MAP3K3: variants seen among roughly 807,000 people sequenced by gnomAD.
The protein encoded by MAP3K3 is MAP/ERK kinase kinase 3.
In MAP3K3, 12 loss-of-function variants were observed where a neutral mutation model predicts 80.9. The ratio of observed to expected loss-of-function variants is 0.15; its 90% confidence interval spans 0.10 to 0.24. MAP3K3 has a LOEUF of 0.24. Ranked by LOEUF, MAP3K3 falls within the 10% of genes least tolerant of loss-of-function variation. MAP3K3 has a pLI of 1.00. For missense variants in MAP3K3, 596 were observed against 834.7 expected (o/e 0.71, Z 3.52); for synonymous variants, 272 against 307.1 (o/e 0.89, Z 1.19).
At chr17:63,663,527 T>C (rs988954847) in intron 5 of MAP3K3, among the ~76,000 whole-genome samples, 5 of 152,050 alleles carry the variant, frequency 3.3e-5, no homozygotes, top group African/African-American at 9.7e-5. Flanking sequence ...TTTAGAACTC[T>C]TTAGTTAGGA....
chr17:63,655,044 ATTATT>A (rs967713099), intron 4 of MAP3K3, among the ~76,000 whole-genome samples: 6 of 152,054 alleles, frequency 3.9e-5, no homozygotes, highest in Admixed American at 3.3e-4. Flanking sequence ...ATTAAAAAAA[ATTATT>A]TTATTTTATT....
At chr17:63,683,524 G>T (rs1457992294) in intron 7 of MAP3K3, among the ~76,000 whole-genome samples, 1 of 148,244 alleles carries the variant, frequency 6.7e-6, no homozygotes, top group African/African-American at 2.4e-5. Context: ...GCCCTGGAAG[G>T]CCTGGGAGGA....
rs1303220656 is a variant in MAP3K3, at chr17:63,685,500, T to G, written c.637-17T>G. On this transcript the variant is annotated splice_polypyrimidine_tract_variant and intron_variant, in intron 7 of 15. Coordinates refer to ENST00000361733, the MANE Select transcript of MAP3K3 (RefSeq NM_002401.5). ...TGGGGCTGGGGGTGTGGCTTCATTGTTTGACTTGCCTTACAGATGCTGGAT... is the reference window on the plus strand; with the variant it reads ...TGGGGCTGGGGGTGTGGCTTCATTGGTTGACTTGCCTTACAGATGCTGGAT... The G allele has an allele frequency of 1.2e-6, 2 of 1,611,346 alleles. No homozygotes were observed. The highest frequency in any genetic ancestry group is 2.7e-5 in the African/African-American group (2 of 74,868).
chr17:63,673,305 C>A (rs1348694156), intron 6 of MAP3K3, among the ~76,000 whole-genome samples: 2 of 152,114 alleles, frequency 1.3e-5, no homozygotes, highest in African/African-American at 4.8e-5. Flanking sequence ...ATCATGTTTA[C>A]CCTTTGTTGT....
intron 2 of MAP3K3, among the ~76,000 whole-genome samples, chr17:63,635,764 A>C (rs948960319): frequency 2.6e-5 from 4 of 152,198 alleles, no homozygotes; most frequent in Admixed American, 1.3e-4. Context: ...AGATAGAATG[A>C]AACAGTTTTC....
chr17:63,641,690 G>A (rs554909850), intron 2 of MAP3K3, among the ~76,000 whole-genome samples: 95 of 152,298 alleles, frequency 6.2e-4, no homozygotes, highest in South Asian at 3.9e-3. Context: ...CCTCAGATAC[G>A]TGGCAAGCAG....
intron 2 of MAP3K3, among the ~76,000 whole-genome samples, chr17:63,644,376 G>A (rs1397579105): frequency 1.3e-5 from 2 of 151,906 alleles, no homozygotes; most frequent in Non-Finnish European, 2.9e-5. Flanking sequence ...CATTACTCAC[G>A]GCACACTTTT....
intron 6 of MAP3K3, among the ~76,000 whole-genome samples, chr17:63,670,985 A>G (rs1020625168): frequency 6.6e-6 from 1 of 152,174 alleles, no homozygotes; most frequent in Non-Finnish European, 1.5e-5. Flanking sequence ...TCGTATTTGT[A>G]TTTTGAAAAG....
chr17:63,661,782 C>T (rs1466275264), intron 5 of MAP3K3, among the ~76,000 whole-genome samples: 1 of 152,156 alleles, frequency 6.6e-6, no homozygotes, highest in Non-Finnish European at 1.5e-5. Context: ...CCTGATTGGG[C>T]AGAATAGCTT....
At position 63,622,767 on chromosome 17, in the gene MAP3K3, A is replaced by G. The variant is rs988900920; in HGVS notation, c.4+4A>G. On this transcript the variant is annotated splice_donor_region_variant and intron_variant, in intron 1 of 15. Coordinates refer to ENST00000361733, the MANE Select transcript of MAP3K3 (RefSeq NM_002401.5). ...GCCGCCGCCATCGCCACCATGGGTA[A>G]GTGTCGCCACCGCCCCGGCCTGTGC... is the stretch of plus-strand genomic sequence containing the variant. The G allele has an allele frequency of 5.7e-6, 3 of 528,780 alleles. No individual in the cohort carries two copies. Among genetic ancestry groups the G allele is most frequent in the African/African-American group, 2.0e-5 (1 of 49,194 alleles). 32.8% of individuals were successfully genotyped at this position (528,780 alleles called of 1,614,324 possible).
intron 8 of MAP3K3, among the ~76,000 whole-genome samples, chr17:63,687,712 G>A (rs2035486636): frequency 6.7e-6 from 1 of 148,740 alleles, no homozygotes; most frequent in South Asian, 2.1e-4. Flanking sequence ...GTCTGGGGCT[G>A]GGCGCGGTGG....
chr17:63,675,075 C>A (rs1044067298), intron 6 of MAP3K3, among the ~76,000 whole-genome samples: 6 of 152,008 alleles, frequency 3.9e-5, no homozygotes, highest in Non-Finnish European at 8.8e-5. Context: ...GCTATAAGTT[C>A]TATGATGCTA....
In MAP3K3 at chr17:63,687,774, G is replaced by C. The variant is rs1055343643; in HGVS notation, c.711-753G>C. On this transcript the variant is annotated intron_variant, in intron 8 of 15. Transcript: ENST00000361733. ...GGAGGCCGAGGCGGGTGGATCACAA[G>C]GTCAAGAGATCGAGACCATCTTGGC... Among the ~76,000 whole-genome samples, 3 of 148,118 alleles carry C rather than the reference G, an allele frequency of 2.0e-5. 1 individual carries two copies. Among genetic ancestry groups the C allele is most frequent in the Admixed American group, 1.4e-4 (2 of 14,784 alleles).
At chr17:63,682,597 T>A (rs1052660192) in intron 7 of MAP3K3, 1 of 71,360 alleles carries the variant, frequency 1.4e-5, no homozygotes, top group Non-Finnish European at 2.8e-5. Flanking sequence ...CAGAATTCAG[T>A]TTTTTTGTGG....
rs763081777 is a variant in MAP3K3, at chr17:63,688,840, G to A, written c.830G>A (p.Arg277Gln). Residue 277 changes from arginine to glutamine, a missense_variant, in exon 10 of 16, where the codon CGG becomes CAG. Coordinates refer to ENST00000361733, the MANE Select transcript of MAP3K3 (RefSeq NM_002401.5). Reference protein sequence around the residue: ...DKGVKGGTYPRRYHVSVHHKD... With the variant: ...DKGVKGGTYPQRYHVSVHHKD... Reference sequence around the variant, plus strand: ...GGGGTCAAAGGTGGAACCTACCCCCGGCGCTACCACGTGTCTGTGCACCAC... The same window carrying A: ...GGGGTCAAAGGTGGAACCTACCCCCAGCGCTACCACGTGTCTGTGCACCAC... 19 of 1,613,944 alleles carry A rather than the reference G, an allele frequency of 1.2e-5. 1 individual carries two copies. The highest frequency in any genetic ancestry group is 9.9e-5 in the South Asian group (9 of 91,070).
At chr17:63,674,549 A>G (rs183764519) in intron 6 of MAP3K3, among the ~76,000 whole-genome samples, 2 of 152,136 alleles carry the variant, frequency 1.3e-5, no homozygotes, top group East Asian at 1.9e-4. Context: ...AGTTCTCACT[A>G]TGTTGCCCAG....
intron 6 of MAP3K3, among the ~76,000 whole-genome samples, chr17:63,672,104 G>A (rs888878971): frequency 6.6e-6 from 1 of 152,024 alleles, no homozygotes; most frequent in African/African-American, 2.4e-5. Flanking sequence ...CCAACATGGT[G>A]AAACCCCGTC....
chr17:63,661,524 C>A (rs924041424), intron 5 of MAP3K3, among the ~76,000 whole-genome samples: 1 of 152,216 alleles, frequency 6.6e-6, no homozygotes, highest in Non-Finnish European at 1.5e-5. Context: ...TTAGGACTTT[C>A]TAGTCTCAGA....
rs1257684529 is a variant in MAP3K3, at chr17:63,692,457, A to G, written c.1652+38A>G. 2 of 1,559,940 alleles carry G rather than the reference A, an allele frequency of 1.3e-6. No homozygotes were observed. The highest frequency in any genetic ancestry group is 2.4e-5 in the South Asian group (2 of 84,698). On this transcript the variant is annotated intron_variant, in intron 15 of 15. Coordinates refer to ENST00000361733, the MANE Select transcript of MAP3K3 (RefSeq NM_002401.5). The surrounding 1 kb of genome is among the most constrained non-coding windows in gnomAD (Gnocchi z 4.5). ...ACATGCAGAACCCATTCTTCCACCC[A>G]GGCCATAGTGGCCCCCCATTAGAAA...
Sources: gnomAD v4.1 joint callset for allele counts (sites outside exome capture counted in the v4.1 genomes callset) on GRCh38, gnomAD v4.1.1 for gene constraint, Gnocchi (gnomAD v3.1) non-coding constraint, MANE v1.5 for transcripts, NCBI Gene and HGNC (gene_info 2026-07-23, HGNC 2026-07-21) for gene names.